DNAAF6: variants seen among roughly 807,000 people sequenced by gnomAD.
DNAAF6 encodes the protein dynein axonemal assembly factor 6.
A neutral mutation model predicts 13.7 loss-of-function variants in DNAAF6; 3 were observed. That is an observed-to-expected ratio of 0.22 (90% CI 0.10 to 0.56). The LOEUF is 0.56. Ranked by LOEUF, DNAAF6 falls within the 20% of genes least tolerant of loss-of-function variation. DNAAF6 has a pLI of 0.92. For missense variants in DNAAF6, 130 were observed against 151.0 expected (o/e 0.86, Z 0.73); for synonymous variants, 54 against 49.2 (o/e 1.10, Z -0.41).
chrX:107,243,357 GA>G lies in DNAAF6; in HGVS notation c.*66del, dbSNP rs1928663711. ...GCATTGGTAACAATTAAAAAACTTT[GA>G]AAAAAATGATTGTTTTCTATATTCT... is the stretch of plus-strand genomic sequence containing the variant. On this transcript the variant is annotated 3_prime_UTR_variant, in exon 7 of 7. Coordinates refer to ENST00000372453, the MANE Select transcript of DNAAF6 (RefSeq NM_173494.2). The G allele has an allele frequency of 2.6e-6, 3 of 1,138,440 alleles. No individual in the cohort carries two copies. Among genetic ancestry groups the G allele is most frequent in the African/African-American group, 3.7e-5 (2 of 54,123 alleles). 93.8% of individuals were successfully genotyped at this position (1,138,440 alleles called of 1,213,427 possible).
In DNAAF6 at chrX:107,211,599, C is replaced by A. The variant is rs192434184; in HGVS notation, c.-3-1274C>A. Among the ~76,000 whole-genome samples the A allele has an allele frequency of 7.1e-5, 8 of 112,019 alleles. No individual in the cohort carries two copies. The East Asian group carries it at 2.2e-3, about 31-fold the overall frequency. ...TTTAACAAAAACAAGTGTACACGTTCCAAGGAGGACCATCCCCTTCGAAGT... is the reference window on the plus strand; with the variant it reads ...TTTAACAAAAACAAGTGTACACGTTACAAGGAGGACCATCCCCTTCGAAGT... On this transcript the variant is annotated intron_variant, in intron 1 of 6. Transcript: ENST00000372453.
chrX:107,215,990 G>A (rs927685031), intron 2 of DNAAF6, among the ~76,000 whole-genome samples: 3 of 111,728 alleles, frequency 2.7e-5, no homozygotes, highest in Middle Eastern at 4.6e-3. Context: ...GTGAGTCAGG[G>A]CAAGTCCTTT....
chrX:107,215,703 A>T (rs772374866), intron 2 of DNAAF6, among the ~76,000 whole-genome samples: 1 of 111,704 alleles, frequency 9.0e-6, no homozygotes, highest in Non-Finnish European at 1.9e-5. Context: ...CAAACAAGAC[A>T]TTCTAACTTT....
At chrX:107,226,664 A>G (rs1339090355) in intron 5 of DNAAF6, among the ~76,000 whole-genome samples, 1 of 111,696 alleles carries the variant, frequency 9.0e-6, no homozygotes, top group Admixed American at 9.5e-5. Context: ...CTGCCAAATT[A>G]CCCTTTGTTT....
intron 4 of DNAAF6, among the ~76,000 whole-genome samples, chrX:107,220,957 T>C (rs973909196): frequency 9.9e-5 from 5 of 50,520 alleles, no homozygotes; most frequent in African/African-American, 3.6e-4. Flanking sequence ...CTTTCTTTCT[T>C]TTTCTTTCTT....
At chrX:107,219,090 A>G in intron 4 of DNAAF6, 121 bp downstream of exon 4, 1 of 886,120 alleles carries the variant, frequency 1.1e-6, no homozygotes. Flanking sequence ...AACTACAGTG[A>G]CACACGGAAG....
chrX:107,226,883 G>A (rs1928267081), intron 5 of DNAAF6, among the ~76,000 whole-genome samples: 1 of 111,335 alleles, frequency 9.0e-6, no homozygotes, highest in African/African-American at 3.3e-5. Context: ...ATCTCACTGA[G>A]AATGGGATGA....
At chrX:107,227,881 A>T (rs946179927) in intron 5 of DNAAF6, among the ~76,000 whole-genome samples, 1 of 110,797 alleles carries the variant, frequency 9.0e-6, no homozygotes, top group African/African-American at 3.3e-5. Flanking sequence ...TGAGAGAGAG[A>T]GTGTGTGTGT....
rs971579503 is a variant in DNAAF6, at chrX:107,216,727, A to G, written c.210A>G (p.Gln70=). Residue 70 remains glutamine, a synonymous_variant, in exon 3 of 7, where the codon CAA becomes CAG. Transcript: ENST00000372453. ...AMGPGNIGPP[Q]IEELKVIPET... Reference sequence around the variant, plus strand: ...GTCCTGGGAATATTGGACCACCCCAAATAGAAGAGCTCAAAGGTAAGTTAT... The same window carrying G: ...GTCCTGGGAATATTGGACCACCCCAGATAGAAGAGCTCAAAGGTAAGTTAT... 2.5e-6 allele frequency: 3 copies of G among 1,191,130 alleles called. No individual in the cohort carries two copies. The highest frequency in any genetic ancestry group is 3.0e-5 in the East Asian group (1 of 33,540).
At chrX:107,213,184 T>C (rs950577973) in intron 2 of DNAAF6, among the ~76,000 whole-genome samples, 156 bp downstream of exon 2, 1 of 112,064 alleles carries the variant, frequency 8.9e-6, no homozygotes, top group African/African-American at 3.2e-5. Context: ...CAATGTAACC[T>C]GTAGTACATT....
intron 1 of DNAAF6, among the ~76,000 whole-genome samples, chrX:107,207,906 G>A (rs1453557349): frequency 9.0e-6 from 1 of 111,250 alleles, no homozygotes; most frequent in Non-Finnish European, 1.9e-5. Context: ...GCGACAGAGT[G>A]AGATGTGGTC....
At chrX:107,230,075 A>G (rs935344065) in intron 5 of DNAAF6, among the ~76,000 whole-genome samples, 6 of 111,860 alleles carry the variant, frequency 5.4e-5, no homozygotes, top group African/African-American at 1.6e-4. Flanking sequence ...ATTGTCTTCC[A>G]TAAACCTTTT....
At chrX:107,210,017 G>A (rs75475662) in intron 1 of DNAAF6, among the ~76,000 whole-genome samples, 2,152 of 111,118 alleles carry the variant, frequency 0.019, 19 homozygotes, top group Middle Eastern at 0.033. Context: ...AACTTTTTCA[G>A]CCCCTGACTG....
Position 107,243,452 on chromosome X carries a change from T to C in DNAAF6, c.*154T>C. On this transcript the variant is annotated 3_prime_UTR_variant, in exon 7 of 7. Transcript: ENST00000372453. ...CTAGTGATATTGTGACCATTTACAG[T>C]AATTTCTATTACTCTGTTAGGAAAT... 1 of 703,754 alleles carries C rather than the reference T, an allele frequency of 1.4e-6. No individual in the cohort carries two copies. The highest frequency in any genetic ancestry group is 2.0e-6 in the Non-Finnish European group (1 of 504,584). The allele number at this position is 703,754 out of a possible 1,213,427, so 58.0% of individuals were successfully genotyped here.
rs180904161 is a variant in DNAAF6, at chrX:107,229,765, G to A, written c.429+6924G>A. 6.3e-5 allele frequency among the ~76,000 whole-genome samples: 7 copies of A among 111,166 alleles called. No homozygotes were observed. In the East Asian group the frequency reaches 1.7e-3, roughly 27 times the overall value. ...TGCAGTAGCGCGGTCTTGGCTCACTGCAAGCTCCACTTCCCGGGTTCACAC... is the reference window on the plus strand; with the variant it reads ...TGCAGTAGCGCGGTCTTGGCTCACTACAAGCTCCACTTCCCGGGTTCACAC... On this transcript the variant is annotated intron_variant, in intron 5 of 6. Coordinates refer to ENST00000372453, the MANE Select transcript of DNAAF6 (RefSeq NM_173494.2).
At chrX:107,231,311 C>T (rs1224397208) in intron 5 of DNAAF6, among the ~76,000 whole-genome samples, 2 of 110,950 alleles carry the variant, frequency 1.8e-5, no homozygotes, top group Non-Finnish European at 3.8e-5. Flanking sequence ...AGGATGGTTA[C>T]CAGAGAATGG....
chrX:107,215,732 T>C (rs751269093), intron 2 of DNAAF6, among the ~76,000 whole-genome samples: 1 of 111,635 alleles, frequency 9.0e-6, no homozygotes, highest in East Asian at 2.8e-4. Flanking sequence ...TCTAAAGTCT[T>C]AGGAGATGAG....
At chrX:107,228,262 A>T (rs967779307) in intron 5 of DNAAF6, among the ~76,000 whole-genome samples, 1 of 112,092 alleles carries the variant, frequency 8.9e-6, no homozygotes, top group Non-Finnish European at 1.9e-5. Flanking sequence ...TTTGGAAGAG[A>T]GCAGCTTCAG....
At chrX:107,222,721 C>T (rs752698361) in intron 4 of DNAAF6, 24 bp from the exon 5 acceptor site, 16 of 1,189,478 alleles carry the variant, frequency 1.3e-5, no homozygotes, top group Admixed American at 2.3e-5. Flanking sequence ...ATCTGAGTCC[C>T]TATAATCATT....
Sources: allele counts gnomAD v4.1 joint callset (sites outside exome capture counted in the v4.1 genomes callset), GRCh38; gene constraint gnomAD v4.1.1; transcripts MANE v1.5; gene names NCBI Gene and HGNC (gene_info 2026-07-23, HGNC 2026-07-21).